Variants in QKI observed in about 807,000 individuals in gnomAD.
QKI encodes KH domain-containing RNA-binding protein QKI.
QKI carries 10 observed loss-of-function variants against 39.0 expected under a neutral mutation model. The observed-to-expected ratio is 0.26, with a 90% confidence interval of 0.16 to 0.43. QKI has a LOEUF of 0.43. Ranked by LOEUF, QKI falls within the 20% of genes least tolerant of loss-of-function variation. The pLI is 1.00. For synonymous variants in QKI, 204 were observed against 155.4 expected, an observed-to-expected ratio of 1.31 and a Z score of -2.33; for missense variants, 218 against 428.0, an observed-to-expected ratio of 0.51 and a Z score of 4.33.
At chr6:163,425,736 G>A (rs1582961159) in intron 1 of QKI, among the ~76,000 whole-genome samples, 1 of 152,108 alleles carries the variant, frequency 6.6e-6, no homozygotes, top group East Asian at 1.9e-4. Flanking sequence ...TCATCCTGAA[G>A]GATTGAGAAC....
At chr6:163,524,663 C>T (rs1202265460) in intron 3 of QKI, among the ~76,000 whole-genome samples, 3 of 151,828 alleles carry the variant, frequency 2.0e-5, no homozygotes, top group Admixed American at 2.0e-4. Context: ...GACGGGGTTT[C>T]TCCATGTTGG....
At chr6:163,479,011 C>T (rs1025434505) in intron 3 of QKI, 115 bp downstream of exon 3, 8 of 842,400 alleles carry the variant, frequency 9.5e-6, no homozygotes, top group East Asian at 5.7e-5. Flanking sequence ...CCAGGCCGGG[C>T]GCGGTGGCTC....
intron 1 of QKI, among the ~76,000 whole-genome samples, chr6:163,452,171 T>G (rs1790613756): frequency 6.6e-6 from 1 of 152,212 alleles, no homozygotes; most frequent in South Asian, 2.1e-4. Context: ...GAACTTGCTC[T>G]GACTCGAGTG....
intron 4 of QKI, among the ~76,000 whole-genome samples, chr6:163,536,854 A>G (rs541021535): frequency 6.6e-6 from 1 of 152,266 alleles, no homozygotes; most frequent in African/African-American, 2.4e-5. Context: ...TTGAGAACTC[A>G]CTTCCTGGTT....
chr6:163,434,690 G>C (rs1789108898), intron 1 of QKI, among the ~76,000 whole-genome samples: 1 of 151,754 alleles, frequency 6.6e-6, no homozygotes, highest in Non-Finnish European at 1.5e-5. Flanking sequence ...ACTCCAGCCT[G>C]GGCAACAGTG....
Position 163,512,556 on chromosome 6 carries a change from G to C in QKI, c.403-22426G>C, listed in dbSNP as rs551770321. Among the ~76,000 whole-genome samples, 48 of 152,160 alleles carry C rather than the reference G, an allele frequency of 3.2e-4. 1 individual carries two copies. The highest frequency in any genetic ancestry group is 1.1e-3 in the African/African-American group (46 of 41,554). On this transcript the variant is annotated intron_variant, in intron 3 of 7. Coordinates refer to ENST00000361752, the MANE Select transcript of QKI (RefSeq NM_006775.3). ...AAGCTCAGAAGTCCACAGTCATACT[G>C]TTCACACAACTCCTAATAACTGATA... is the stretch of plus-strand genomic sequence containing the variant.
At chr6:163,513,988 A>G (rs1038308288) in intron 3 of QKI, among the ~76,000 whole-genome samples, 5 of 152,054 alleles carry the variant, frequency 3.3e-5, no homozygotes, top group African/African-American at 9.7e-5. Flanking sequence ...GGTCCCCACA[A>G]TTCTTGAGCA....
chr6:163,520,568 A>G (rs978194634), intron 3 of QKI, among the ~76,000 whole-genome samples: 3 of 152,174 alleles, frequency 2.0e-5, no homozygotes, highest in East Asian at 1.9e-4. Flanking sequence ...GAATTATCCT[A>G]TTTTAGCTTG....
chr6:163,455,770 C>G (rs1385614466), intron 2 of QKI, among the ~76,000 whole-genome samples: 1 of 152,164 alleles, frequency 6.6e-6, no homozygotes. Flanking sequence ...CCACAGCATT[C>G]TTTCTGTAAA....
chr6:163,499,876 A>C (rs1277636673), intron 3 of QKI, among the ~76,000 whole-genome samples: 1 of 152,190 alleles, frequency 6.6e-6, no homozygotes, highest in Non-Finnish European at 1.5e-5. Flanking sequence ...AACAAAGGTA[A>C]TTTCAGATAG....
intron 3 of QKI, among the ~76,000 whole-genome samples, chr6:163,508,553 G>A (rs1321625055): frequency 7.1e-6 from 1 of 139,870 alleles, no homozygotes; most frequent in Non-Finnish European, 1.5e-5. Context: ...TTTTATGATG[G>A]CGTTTCACTC....
chr6:163,537,207 A>G (rs771008718), intron 4 of QKI, among the ~76,000 whole-genome samples: 6 of 152,118 alleles, frequency 3.9e-5, no homozygotes, highest in African/African-American at 7.2e-5. Context: ...CTTAGGGGGG[A>G]AAAGAAAGTT....
chr6:163,560,097 A>T (rs748018581), intron 4 of QKI, among the ~76,000 whole-genome samples: 1 of 152,164 alleles, frequency 6.6e-6, no homozygotes, highest in African/African-American at 2.4e-5. Context: ...AAGACTTCTC[A>T]TACCAGTCAC....
intron 3 of QKI, among the ~76,000 whole-genome samples, chr6:163,494,625 A>G (rs1428844727): frequency 6.7e-6 from 1 of 150,038 alleles, no homozygotes; most frequent in East Asian, 2.0e-4. Context: ...AGTTATTTTC[A>G]TGGTCTGCTT....
chr6:163,452,994 C>T (rs1398990256), intron 1 of QKI, among the ~76,000 whole-genome samples: 1 of 152,098 alleles, frequency 6.6e-6, no homozygotes, highest in Non-Finnish European at 1.5e-5. Context: ...TCCCAAAGTG[C>T]TGGGATTACA....
At position 163,575,519 on chromosome 6, in the gene QKI, G is replaced by A. The variant is rs1234660648; in HGVS notation, c.*4809G>A. 1 of 152,146 alleles carries A rather than the reference G, an allele frequency of 6.6e-6. No homozygotes were observed. The highest frequency in any genetic ancestry group is 1.5e-5 in the Non-Finnish European group (1 of 68,026). The allele number at this position is 152,146 out of a possible 1,614,324, so 9.4% of individuals were successfully genotyped here. A position where few individuals can be genotyped will look rare whatever the true frequency, so the allele number is the denominator to read the frequency against. On this transcript the variant is annotated 3_prime_UTR_variant, in exon 8 of 8. Transcript: ENST00000361752. ...AAGCTGAGCTTTCAGTCAAGAAGTTGGTGAAATTAATGTCCTTAAACTTTT... is the reference window on the plus strand; with the variant it reads ...AAGCTGAGCTTTCAGTCAAGAAGTTAGTGAAATTAATGTCCTTAAACTTTT...
intron 3 of QKI, among the ~76,000 whole-genome samples, chr6:163,503,257 C>G (rs1583112550): frequency 6.6e-6 from 1 of 150,930 alleles, no homozygotes; most frequent in South Asian, 2.1e-4. Flanking sequence ...GCTAGGATTA[C>G]AGGCGTGAGC....
At position 163,427,692 on chromosome 6, in the gene QKI, T is replaced by C. The variant is rs572426863; in HGVS notation, c.142+12357T>C. Among the ~76,000 whole-genome samples the C allele has an allele frequency of 4.6e-4, 70 of 151,994 alleles. 2 individuals carry two copies. In the South Asian group the frequency reaches 0.012, roughly 26 times the overall value. On this transcript the variant is annotated intron_variant, in intron 1 of 7. Transcript: ENST00000361752. ...GTGTGCCTGCATGTGTGTGCGCGCG[T>C]GTGTGTGTGATGGCAATATGATCCA...
chr6:163,480,408 A>AG (rs1583063795), intron 3 of QKI, among the ~76,000 whole-genome samples: 1 of 152,156 alleles, frequency 6.6e-6, no homozygotes, highest in East Asian at 1.9e-4. Context: ...CCAAACCCAC[A>AG]GGGTATCTGA....
Sources: gnomAD v4.1 joint callset for allele counts (sites outside exome capture counted in the v4.1 genomes callset) on GRCh38, gnomAD v4.1.1 for gene constraint, MANE v1.5 for transcripts, NCBI Gene and HGNC (gene_info 2026-07-23, HGNC 2026-07-21) for gene names.